Variants in SLC19A1 observed in about 807,000 individuals in gnomAD.
The protein encoded by SLC19A1 is reduced folate transporter.
Under a neutral mutation model 35.3 loss-of-function variants are expected in SLC19A1, and 37 were observed. The ratio of observed to expected loss-of-function variants is 1.05; its 90% CI spans 0.81 to 1.38. The LOEUF (loss-of-function observed/expected upper bound fraction) is 1.38. SLC19A1 is among the 40% of genes most tolerant of loss of function. The pLI, the probability that SLC19A1 is intolerant of heterozygous loss-of-function variation, is 0.00. For synonymous variants in SLC19A1, 460 were observed against 398.5 expected (o/e 1.15, Z -1.84); for missense variants, 831 against 826.9 (o/e 1.00, Z -0.06).
intron 1 of SLC19A1, among the ~76,000 whole-genome samples, chr21:45,555,150 C>T (rs2078531847): frequency 1.2e-5 from 1 of 83,762 alleles, no homozygotes; most frequent in Non-Finnish European, 2.3e-5. Flanking sequence ...GGGGGCGGTG[C>T]AGGGGGCGGC....
intron 3 of SLC19A1, chr21:45,505,989 T>A (rs1254847034): frequency 6.2e-7 from 1 of 1,612,714 alleles, no homozygotes; most frequent in Non-Finnish European, 8.5e-7. Flanking sequence ...TGTGACGGGT[T>A]CTGGACCCGT....
Position 45,515,410 on chromosome 21 carries a change from C to T in SLC19A1, c.*248G>A. 1 of 1,420,668 alleles carries T rather than the reference C, an allele frequency of 7.0e-7. No individual in the cohort carries two copies. The highest frequency in any genetic ancestry group is 9.1e-7 in the Non-Finnish European group (1 of 1,100,188). The allele number at this position is 1,420,668 out of a possible 1,614,324, so 88.0% of individuals were successfully genotyped here. Reference sequence around the variant, plus strand: ...AGGCCTGGTGGACGCAGAAGCCCACCACCCACCTCTTCCAGCAACAAAGCC... The same window carrying T: ...AGGCCTGGTGGACGCAGAAGCCCACTACCCACCTCTTCCAGCAACAAAGCC... On this transcript the variant is annotated 3_prime_UTR_variant, in exon 6 of 6. Coordinates refer to ENST00000311124, the MANE Select transcript of SLC19A1 (RefSeq NM_194255.4).
At chr21:45,539,398 G>A (rs2078234905) in intron 1 of SLC19A1, among the ~76,000 whole-genome samples, 1 of 152,268 alleles carries the variant, frequency 6.6e-6, no homozygotes, top group Non-Finnish European at 1.5e-5. Flanking sequence ...TGGGCTGACA[G>A]TTGGACAATT....
At chr21:45,531,329 A>T (rs2077887927) in intron 3 of SLC19A1, 60 bp downstream of exon 3, 2 of 1,526,582 alleles carry the variant, frequency 1.3e-6, no homozygotes, top group Admixed American at 2.1e-5. Context: ...TCCACGGGGC[A>T]GGCGGAGGTG....
rs2146196213 is a variant in SLC19A1, at chr21:45,515,889, G to A, written c.1545C>T (p.Ser515=). Residue 515 remains serine, a synonymous_variant, in exon 6 of 6, where the codon TCC becomes TCT. Coordinates refer to ENST00000311124, the MANE Select transcript of SLC19A1 (RefSeq NM_194255.4). ...ATGGGTCGCTCTGTCTCTGCTCCAG[G>A]GAGGCTGGCCCCACAGCCCCCAGGC... The part of the protein sequence containing the change: ...EDSLGAVGPA[S]LEQRQSDPYL... 5.8e-6 allele frequency: 9 copies of A among 1,563,872 alleles called. No individual in the cohort carries two copies. Among genetic ancestry groups the A allele is most frequent in the Non-Finnish European group, 7.8e-6 (9 of 1,154,842 alleles).
At chr21:45,562,784 A>T (rs2078627100) in exon 1 of SLC19A1, among the ~76,000 whole-genome samples, 1 of 152,226 alleles carries the variant, frequency 6.6e-6, no homozygotes, top group Admixed American at 6.5e-5. Context: ...TCCGGTATCT[A>T]GGTGTGAATG....
intron 1 of SLC19A1, among the ~76,000 whole-genome samples, chr21:45,552,642 C>G (rs984740563): frequency 6.1e-5 from 9 of 146,784 alleles, no homozygotes; most frequent in Non-Finnish European, 1.4e-4. Flanking sequence ...CCCGGGACAG[C>G]CCCAGCCCCA....
rs537245557 is a variant in SLC19A1, at chr21:45,519,432, G to A, written c.1294-3292C>T. On this transcript the variant is annotated intron_variant, in intron 5 of 5. Coordinates refer to ENST00000311124, the MANE Select transcript of SLC19A1 (RefSeq NM_194255.4). ...TAAAAACATGACTCAACTACGTGCT[G>A]TCTACAAGAAACTCACTTCAAATAT... Among the ~76,000 whole-genome samples, 137 of 152,174 alleles carry A rather than the reference G, an allele frequency of 9.0e-4. 1 individual carries two copies. The highest frequency in any genetic ancestry group is 2.5e-3 in the African/African-American group (105 of 41,522).
intron 3 of SLC19A1, chr21:45,504,994 A>G: frequency 9.4e-7 from 1 of 1,063,440 alleles, no homozygotes; most frequent in Non-Finnish European, 1.4e-6. Context: ...TTCTCAGGCT[A>G]TGGCGTGGGC....
At chr21:45,556,817 G>A (rs1229967241) in intron 1 of SLC19A1, among the ~76,000 whole-genome samples, 1 of 152,244 alleles carries the variant, frequency 6.6e-6, no homozygotes, top group East Asian at 1.9e-4. Context: ...CGGGGTGGAG[G>A]GTGGCATGGG....
chr21:45,525,634 C>T lies in SLC19A1; in HGVS notation c.1293+183G>A, dbSNP rs10460742. Among the ~76,000 whole-genome samples, 91 of 152,320 alleles carry T rather than the reference C, an allele frequency of 6.0e-4. 2 individuals carry two copies. In the East Asian group the frequency reaches 0.017, roughly 29 times the overall value. ...AGGCTCCCGCCCACAACAACTGAGCCCCGCTAGGGTCTCTCTCACTTCCTG... is the reference window on the plus strand; with the variant it reads ...AGGCTCCCGCCCACAACAACTGAGCTCCGCTAGGGTCTCTCTCACTTCCTG... On this transcript the variant is annotated intron_variant, in intron 5 of 5. Transcript: ENST00000311124.
At chr21:45,503,232 G>GTTGT in intron 3 of SLC19A1, among the ~76,000 whole-genome samples, 1 of 152,110 alleles carries the variant, frequency 6.6e-6, no homozygotes, top group Admixed American at 6.6e-5. Context: ...TCCGGCACCT[G>GTTGT]TTGTTTCCTT....
chr21:45,507,632 A>C (rs1433480840), downstream of SLC19A1: 1 of 1,594,884 alleles, frequency 6.3e-7, no homozygotes, highest in Non-Finnish European at 8.6e-7. Context: ...GTGGGTGGTC[A>C]GGACATGAGG....
Position 45,516,019 on chromosome 21 carries a change from A to G in SLC19A1, c.1415T>C (p.Leu472Pro), listed in dbSNP as rs1165113691. The G allele has an allele frequency of 3.8e-6, 6 of 1,577,084 alleles. No individual in the cohort carries two copies. Among genetic ancestry groups the G allele is most frequent in the Non-Finnish European group, 5.2e-6 (6 of 1,162,572 alleles). The part of the protein sequence containing the change: ...HHPRQPPAQG[L>P]RSAAEEKAAQ... ...TGCCTTCTCCTCCGCGGCACTCCTC[A>G]GGCCCTGGGCCGGGGGCTGCCGCGG... Residue 472 changes from leucine (L) to proline (P), a missense_variant, in exon 6 of 6, where the codon CTG becomes CCG. Leu to Pro is a moderately conservative substitution (Grantham distance 98). Coordinates refer to ENST00000311124, the MANE Select transcript of SLC19A1 (RefSeq NM_194255.4).
In SLC19A1 at chr21:45,552,911, C is replaced by T. The variant is rs1206326155; in HGVS notation, c.-50+9831G>A. On this transcript the variant is annotated intron_variant, in intron 1 of 5. Coordinates refer to the SLC19A1 transcript ENST00000650808. Reference sequence around the variant, plus strand: ...CCACGGTCACCAGCAGAGCAGACGGCCTCTCGCCCAGAACAGGGCACCCAG... The same window carrying T: ...CCACGGTCACCAGCAGAGCAGACGGTCTCTCGCCCAGAACAGGGCACCCAG... Among the ~76,000 whole-genome samples the T allele has an allele frequency of 2.0e-5, 3 of 152,194 alleles. No individual in the cohort carries two copies. The East Asian group carries it at 5.8e-4, about 29-fold the overall frequency.
chr21:45,555,102 A>G (rs2078530764), intron 1 of SLC19A1, among the ~76,000 whole-genome samples: 1 of 140,846 alleles, frequency 7.1e-6, no homozygotes. Context: ...CGGCGCCCGG[A>G]GCCTCCGCGG....
intron 3 of SLC19A1, chr21:45,507,433 AGGGAGGGCACCCTCCTGTGGGCT>A: frequency 4.5e-6 from 3 of 666,704 alleles, no homozygotes; most frequent in Admixed American, 5.0e-5. Context: ...GGTGCTGGGC[AGGGAGGGCACCCTCCTGTGGGCT>A]GGGAGGGCCA....
Position 45,530,636 on chromosome 21 carries a change from A to T in SLC19A1, c.1151+134T>A. 2 of 886,896 alleles carry T rather than the reference A, an allele frequency of 2.3e-6. No individual in the cohort carries two copies. The highest frequency in any genetic ancestry group is 1.7e-5 in the South Asian group (1 of 59,250). 54.9% of individuals were successfully genotyped at this position (886,896 alleles called of 1,614,324 possible). Reference sequence around the variant, plus strand: ...GGAGAGGCAAGTGGGGACCCTGGTCAGCTCCAGGTGGCTGGCGGGGCCAGC... The same window carrying T: ...GGAGAGGCAAGTGGGGACCCTGGTCTGCTCCAGGTGGCTGGCGGGGCCAGC... On this transcript the variant is annotated intron_variant, in intron 4 of 5. Coordinates refer to ENST00000311124, the MANE Select transcript of SLC19A1 (RefSeq NM_194255.4). The surrounding 1 kb of genome is among the most constrained non-coding windows in gnomAD (Gnocchi z 5.3).
chr21:45,557,946 G>A (rs1025630851), intron 1 of SLC19A1, among the ~76,000 whole-genome samples: 13 of 152,226 alleles, frequency 8.5e-5, no homozygotes, highest in African/African-American at 2.9e-4. Flanking sequence ...CGTGTCTGAC[G>A]GAATCATTCC....
Sources: gnomAD v4.1 joint callset for allele counts (sites outside exome capture counted in the v4.1 genomes callset) on GRCh38, gnomAD v4.1.1 for gene constraint, Gnocchi (gnomAD v3.1) non-coding constraint, MANE v1.5 for transcripts, NCBI Gene and HGNC (gene_info 2026-07-23, HGNC 2026-07-21) for gene names.